The following PTGES3 variants were observed in gnomAD, a reference collection of about 807,000 sequenced individuals.
PTGES3 encodes the protein prostaglandin E synthase 3.
PTGES3 carries 5 observed loss-of-function variants against 29.9 expected under a neutral mutation model. The ratio of observed to expected loss-of-function variants is 0.17; its 90% CI spans 0.09 to 0.35. PTGES3 has a LOEUF of 0.35. Among genes scored for constraint, PTGES3 ranks in the 10% least tolerant of loss-of-function variants. PTGES3 has a pLI of 1.00. For missense variants in PTGES3, 128 were observed against 190.0 expected (o/e 0.67, Z 1.92); for synonymous variants, 49 against 57.8 (o/e 0.85, Z 0.69).
Position 56,688,121 on chromosome 12 carries a change from T to C in PTGES3, c.-122A>G. Reference sequence around the variant, plus strand: ...TTTTCTCTCCGGTCGCGGCCTCTTCTCGCTTCCCTCAGGCGACGGCGGCAG... The same window carrying C: ...TTTTCTCTCCGGTCGCGGCCTCTTCCCGCTTCCCTCAGGCGACGGCGGCAG... On this transcript the variant is annotated 5_prime_UTR_variant, in exon 1 of 8. Transcript: ENST00000262033. 7.1e-7 allele frequency: 1 copy of C among 1,413,144 alleles called. No individual in the cohort carries two copies. Among genetic ancestry groups the C allele is most frequent in the Non-Finnish European group, 9.2e-7 (1 of 1,085,382 alleles). The allele number at this position is 1,413,144 out of a possible 1,614,324, so 87.5% of individuals were successfully genotyped here. A position where few individuals can be genotyped will look rare whatever the true frequency, so the allele number is the denominator to read the frequency against.
At chr12:56,676,128 G>C (rs1952229834) in intron 1 of PTGES3, among the ~76,000 whole-genome samples, 2 of 144,912 alleles carry the variant, frequency 1.4e-5, no homozygotes, top group Non-Finnish European at 3.0e-5. Flanking sequence ...TGGGAGGCTG[G>C]GAGGGGGAGG....
chr12:56,684,956 G>A (rs1952753869), intron 1 of PTGES3, among the ~76,000 whole-genome samples: 1 of 152,038 alleles, frequency 6.6e-6, no homozygotes, highest in East Asian at 1.9e-4. Context: ...TCTCCCCAGA[G>A]CTTAAAAAAA....
intron 1 of PTGES3, among the ~76,000 whole-genome samples, chr12:56,685,399 CTTTTTTTTT>C (rs143526249): frequency 3.0e-5 from 4 of 131,180 alleles, no homozygotes; most frequent in Non-Finnish European, 6.3e-5. Flanking sequence ...TTTTTCTTTT[CTTTTTTTTT>C]TTTTTTTTTT....
chr12:56,670,980 A>C (rs2137615587), intron 4 of PTGES3, among the ~76,000 whole-genome samples: 1 of 152,310 alleles, frequency 6.6e-6, no homozygotes, highest in South Asian at 2.1e-4. Context: ...GTGGTGGCAC[A>C]TTCCTACAAT....
At chr12:56,666,174 G>A in intron 6 of PTGES3, 30 bp downstream of exon 6, 2 of 1,585,800 alleles carry the variant, frequency 1.3e-6, no homozygotes. Flanking sequence ...TAGTATGAAA[G>A]TAAACAGAAA....
chr12:56,687,447 G>A (rs1337964661), intron 1 of PTGES3: 23 of 988,500 alleles, frequency 2.3e-5, no homozygotes, highest in African/African-American at 3.5e-5. Context: ...ACTGGAGAGG[G>A]AAGTATGTTG....
intron 1 of PTGES3, among the ~76,000 whole-genome samples, chr12:56,675,004 C>CAAAAAAAAAAA (rs1177350725): frequency 3.1e-5 from 1 of 32,358 alleles, no homozygotes; most frequent in Non-Finnish European, 5.4e-5. Flanking sequence ...AACTCGGTCT[C>CAAAAAAAAAAA]AAAAAAAAAA....
chr12:56,665,851 A>G, intron 6 of PTGES3: 1 of 849,166 alleles, frequency 1.2e-6, no homozygotes, highest in Non-Finnish European at 1.4e-6. Flanking sequence ...GCTGGTCTCG[A>G]ACTCCTGACC....
chr12:56,685,399 CTTTTTTTTTTT>C (rs143526249), intron 1 of PTGES3, among the ~76,000 whole-genome samples: 3 of 131,172 alleles, frequency 2.3e-5, no homozygotes, highest in East Asian at 4.3e-4. Flanking sequence ...TTTTTCTTTT[CTTTTTTTTTTT>C]TTTTTTTTTT....
Position 56,663,778 on chromosome 12 carries a change from G to A in PTGES3, c.*701C>T, listed in dbSNP as rs1436417045. 6.6e-6 allele frequency: 1 copy of A among 152,258 alleles called. No individual in the cohort carries two copies. The highest frequency in any genetic ancestry group is 1.5e-5 in the Non-Finnish European group (1 of 67,970). 9.4% of individuals were successfully genotyped at this position (152,258 alleles called of 1,614,324 possible). A position where few individuals can be genotyped will look rare whatever the true frequency, so the allele number is the denominator to read the frequency against. Reference sequence around the variant, plus strand: ...ATACTGACAGTGCAAATACAAATCTGGACTAAATGTACAGACTCTCAAGCA... The same window carrying A: ...ATACTGACAGTGCAAATACAAATCTAGACTAAATGTACAGACTCTCAAGCA... On this transcript the variant is annotated 3_prime_UTR_variant, in exon 8 of 8. Coordinates refer to ENST00000262033, the MANE Select transcript of PTGES3 (RefSeq NM_006601.7).
At position 56,688,216 on chromosome 12, in the gene PTGES3, G is replaced by A. The variant is rs1169488096; in HGVS notation, c.-217C>T. On this transcript the variant is annotated 5_prime_UTR_variant, in exon 1 of 8. Transcript: ENST00000262033. ...GCGGCTCCTCCGGTCGGGGAGAAGA[G>A]GAAAGTGTAGGAAAAGGGGCGCGAG... The A allele has an allele frequency of 1.3e-6, 1 of 787,400 alleles. No individual in the cohort carries two copies. The highest frequency in any genetic ancestry group is 1.8e-6 in the Non-Finnish European group (1 of 548,106). 48.8% of individuals were successfully genotyped at this position (787,400 alleles called of 1,614,324 possible).
In PTGES3 at chr12:56,663,351, TAGG is replaced by T. The variant is rs1187338726; in HGVS notation, c.*1125_*1127del. The T allele has an allele frequency of 2.0e-5, 3 of 147,728 alleles. No homozygotes were observed. Among genetic ancestry groups the T allele is most frequent in the Admixed American group, 6.8e-5 (1 of 14,710 alleles). The allele number at this position is 147,728 out of a possible 1,614,324, so 9.2% of individuals were successfully genotyped here. A position where few individuals can be genotyped will look rare whatever the true frequency, so the allele number is the denominator to read the frequency against. ...GCCAAAATGCAGAAGTTCAAAGATT[TAGG>T]AGGACAACACATTTAGTTTTATTTC... On this transcript the variant is annotated 3_prime_UTR_variant, in exon 8 of 8. Coordinates refer to ENST00000262033, the MANE Select transcript of PTGES3 (RefSeq NM_006601.7).
intron 1 of PTGES3, chr12:56,686,946 CTTAA>C (rs1402698422): frequency 9.4e-6 from 3 of 319,712 alleles, no homozygotes; most frequent in East Asian, 9.3e-5. Flanking sequence ...AAGGTTCCAC[CTTAA>C]TTGTTCTCCA....
At chr12:56,672,913 AT>A in intron 2 of PTGES3, 38 bp downstream of exon 2, 1 of 1,569,088 alleles carries the variant, frequency 6.4e-7, no homozygotes, top group Non-Finnish European at 8.6e-7. Context: ...AGTTGTGTGA[AT>A]GACTATTTTA....
In PTGES3 at chr12:56,683,843, C is replaced by CAGCTA. The variant is rs557211417; in HGVS notation, c.2+4150_2+4154dup. On this transcript the variant is annotated intron_variant, in intron 1 of 7. Transcript: ENST00000262033. The stretch of plus-strand genomic sequence containing the variant: ...GCGAGGTGGCGGGTGCCTGTAGTCC[C>CAGCTA]AGCTACTCGGGAGGCTGAGGCAAGA... Among the ~76,000 whole-genome samples the CAGCTA allele has an allele frequency of 4.0e-3, 602 of 150,558 alleles. 4 individuals are homozygous for CAGCTA. Among genetic ancestry groups the CAGCTA allele is most frequent in the African/African-American group, 0.014 (576 of 41,026 alleles).
intron 1 of PTGES3, among the ~76,000 whole-genome samples, chr12:56,681,538 A>AG (rs1266799604): frequency 7.9e-5 from 2 of 25,182 alleles, no homozygotes; most frequent in South Asian, 1.9e-3. Context: ...ACTCCATCTC[A>AG]AAAAAAAAAA....
intron 1 of PTGES3, among the ~76,000 whole-genome samples, chr12:56,683,962 A>AG (rs1394133698): frequency 4.8e-5 from 7 of 146,106 alleles, no homozygotes; most frequent in South Asian, 4.2e-4. Context: ...CGTCTCAAAA[A>AG]AAAAAAAAAC....
At chr12:56,686,314 T>C (rs1204701282) in intron 1 of PTGES3, among the ~76,000 whole-genome samples, 2 of 152,164 alleles carry the variant, frequency 1.3e-5, no homozygotes, top group Non-Finnish European at 2.9e-5. Flanking sequence ...TGATGTCCCT[T>C]CTACATTACT....
intron 1 of PTGES3, chr12:56,687,320 C>T (rs1952921682): frequency 2.0e-6 from 2 of 989,560 alleles, no homozygotes; most frequent in South Asian, 4.7e-5. Flanking sequence ...ACTACCTGCT[C>T]AATGGTAACT....
Sources: allele counts gnomAD v4.1 joint callset (sites outside exome capture counted in the v4.1 genomes callset), GRCh38; gene constraint gnomAD v4.1.1; transcripts MANE v1.5; gene names NCBI Gene and HGNC (gene_info 2026-07-23, HGNC 2026-07-21).